Variants in NPIPB2 observed in about 807,000 individuals in gnomAD.
NPIPB2 encodes the protein nuclear pore complex-interacting protein family member B2.
A neutral mutation model predicts 30.8 loss-of-function variants in NPIPB2; 27 were observed. The observed-to-expected ratio is 0.88, with a 90% CI of 0.65 to 1.21. The LOEUF is 1.21. NPIPB2 is among the 50% of genes most tolerant of loss of function. The probability of loss-of-function intolerance (pLI) is 0.00; values close to 1 mark genes in which losing one functional copy is unlikely to be tolerated. For missense variants in NPIPB2, 440 were observed against 446.2 expected (o/e 0.99, Z 0.13); for synonymous variants, 147 against 162.0 (o/e 0.91, Z 0.70).
At chr16:11,970,756 G>C (rs1332260202) in intron 1 of NPIPB2, among the ~76,000 whole-genome samples, 1 of 151,786 alleles carries the variant, frequency 6.6e-6, no homozygotes, top group Non-Finnish European at 1.5e-5. Context: ...CGGTGGTCTT[G>C]AACTCCTGAC....
intron 1 of NPIPB2, among the ~76,000 whole-genome samples, chr16:11,969,612 C>G (rs2055222689): frequency 6.6e-6 from 1 of 152,144 alleles, no homozygotes; most frequent in South Asian, 2.1e-4. Context: ...CAGGAGAAGC[C>G]TAGAATCAAC....
Position 11,966,045 on chromosome 16 carries a change from A to C in NPIPB2, c.-584+10523T>G, listed in dbSNP as rs2055190685. On this transcript the variant is annotated intron_variant, in intron 1 of 5. Transcript: ENST00000538896. ...AGAATTGTTTGAACTTGGGAGGTGG[A>C]GGTTGCAGTGAGCCGAGATCGCGCC... 8.5e-6 allele frequency: 5 copies of C among 587,744 alleles called. No individual in the cohort carries two copies. The East Asian group carries it at 1.8e-4, about 22-fold the overall frequency. The allele number at this position is 587,744 out of a possible 1,614,324, so 36.4% of individuals were successfully genotyped here.
At chr16:11,968,769 C>G (rs1012188098) in intron 1 of NPIPB2, 2 of 151,774 alleles carry the variant, frequency 1.3e-5, no homozygotes, top group African/African-American at 4.8e-5. Context: ...TCACCTTGAA[C>G]ATGCTGACAT....
At chr16:11,956,222 C>A (rs1244585253) in intron 1 of NPIPB2, 1 of 152,244 alleles carries the variant, frequency 6.6e-6, no homozygotes, top group African/African-American at 2.4e-5. Context: ...GGCAGGGAAA[C>A]TGAATTGCTC....
chr16:11,944,879 G>A (rs560705204), upstream of NPIPB2, among the ~76,000 whole-genome samples: 1 of 151,552 alleles, frequency 6.6e-6, no homozygotes, highest in East Asian at 2.0e-4. Context: ...TTGGAGATGT[G>A]TTAAAGATAT....
intron 1 of NPIPB2, among the ~76,000 whole-genome samples, chr16:11,962,651 G>T (rs765903527): frequency 2.5e-4 from 37 of 150,910 alleles, no homozygotes; most frequent in Non-Finnish European, 4.4e-4. Flanking sequence ...GAGGAAGACT[G>T]ACAGTAATTA....
upstream of NPIPB2, among the ~76,000 whole-genome samples, chr16:11,945,350 C>T (rs2054995127): frequency 6.6e-6 from 1 of 152,054 alleles, no homozygotes. Flanking sequence ...CACTGCAGTC[C>T]AGCCTGGGCA....
intron 1 of NPIPB2, among the ~76,000 whole-genome samples, chr16:11,958,414 C>A (rs533717996): frequency 6.9e-6 from 1 of 145,686 alleles, no homozygotes; most frequent in East Asian, 2.0e-4. Context: ...GATGACAGAG[C>A]GAGACTCCGT....
intron 1 of NPIPB2, among the ~76,000 whole-genome samples, chr16:11,971,392 C>T (rs8047277): frequency 0.12 from 16,865 of 145,006 alleles, 1,415 homozygotes; most frequent in African/African-American, 0.21. Context: ...ATAAAATGTA[C>T]ACTGGTTCGG....
rs11570148 is a variant in NPIPB2 at position 11,966,287 on chromosome 16, T to G, written c.-584+10281A>C. 3.3e-5 allele frequency: 53 copies of G among 1,613,974 alleles called. No individual in the cohort carries two copies. In the Admixed American group the frequency reaches 8.8e-4, roughly 27 times the overall value. On this transcript the variant is annotated intron_variant, in intron 1 of 5. Transcript: ENST00000538896. ...TTCTTTGGCAGTTTTCGTGCTAATGTTTTTGCTAAGGAAGATAAACTCTGA... is the reference window on the plus strand; with the variant it reads ...TTCTTTGGCAGTTTTCGTGCTAATGGTTTTGCTAAGGAAGATAAACTCTGA...
chr16:11,976,583 C>T (rs1198406416), exon 1 of NPIPB2: 40 of 361,518 alleles, frequency 1.1e-4, no homozygotes, highest in Non-Finnish European at 4.4e-5. Flanking sequence ...GTCTCCAGCC[C>T]GCGTAGCCTC....
At chr16:11,966,698 CA>C (rs1339722158) in intron 1 of NPIPB2, among the ~76,000 whole-genome samples, 1 of 152,156 alleles carries the variant, frequency 6.6e-6, no homozygotes, top group East Asian at 1.9e-4. Context: ...TCAGGAAAAG[CA>C]TATTTGTCAA....
rs36230512 is a variant in NPIPB2 at position 11,966,977 on chromosome 16, CATTTATTTATTTATTTATTT to C, written c.-584+9571_-584+9590del. 31 of 161,626 alleles carry C rather than the reference CATTTATTTATTTATTTATTT, an allele frequency of 1.9e-4. No individual in the cohort carries two copies. The South Asian group carries it at 2.7e-3, about 14-fold the overall frequency. 10.0% of individuals were successfully genotyped at this position (161,626 alleles called of 1,614,324 possible). On this transcript the variant is annotated intron_variant, in intron 1 of 5. Coordinates refer to the NPIPB2 transcript ENST00000538896. Reference sequence around the variant, plus strand: ...ACAGCCACTGCCCTATTTCTGTATGCATTTATTTATTTATTTATTTATTTATTTATTTATTTATTTAGAGA... The same window carrying C: ...ACAGCCACTGCCCTATTTCTGTATGCATTTATTTATTTATTTATTTAGAGA...
intron 1 of NPIPB2, among the ~76,000 whole-genome samples, chr16:11,949,921 A>G (rs1390521876): frequency 6.6e-6 from 1 of 152,196 alleles, no homozygotes; most frequent in Non-Finnish European, 1.5e-5. Context: ...CAGTATATTC[A>G]TTGCCAACAC....
intron 4 of NPIPB2, among the ~76,000 whole-genome samples, 175 bp from the exon 5 acceptor site, chr16:11,930,726 CA>C (rs1259959795): frequency 9.2e-5 from 12 of 130,088 alleles, no homozygotes; most frequent in East Asian, 4.2e-4. Context: ...CATTGAGGGA[CA>C]AAAAAAAGTC....
At chr16:11,949,870 C>G (rs1208534146) in intron 1 of NPIPB2, among the ~76,000 whole-genome samples, 2 of 152,164 alleles carry the variant, frequency 1.3e-5, no homozygotes, top group Non-Finnish European at 2.9e-5. Context: ...GGCCTTTCCC[C>G]AGAGATTCTG....
chr16:11,975,789 CTA>C (rs2055285312), intron 1 of NPIPB2, among the ~76,000 whole-genome samples: 3 of 151,998 alleles, frequency 2.0e-5, no homozygotes, highest in Admixed American at 1.3e-4. Flanking sequence ...TGGGGTTTCA[CTA>C]TGTTGGCCAG....
chr16:11,934,226 T>TCTCACACA (rs1555507978), intron 2 of NPIPB2, among the ~76,000 whole-genome samples: 2 of 121,752 alleles, frequency 1.6e-5, no homozygotes, highest in African/African-American at 3.5e-5. Context: ...TGAGACTCTG[T>TCTCACACA]CACACACACA....
rs1241184439 is a variant in NPIPB2 at position 11,972,737 on chromosome 16, G to A, written c.-584+3831C>T. 6.6e-5 allele frequency among the ~76,000 whole-genome samples: 10 copies of A among 150,500 alleles called. No homozygotes were observed. In the East Asian group the frequency reaches 1.9e-3, roughly 29 times the overall value. On this transcript the variant is annotated intron_variant, in intron 1 of 5. Coordinates refer to the NPIPB2 transcript ENST00000538896. ...GAATTAGCTGGACGTGGTGGTGGGC[G>A]CCTGTAATCCCAGCTACTTGGGAGG...
Sources: gnomAD v4.1 joint callset for allele counts (sites outside exome capture counted in the v4.1 genomes callset) on GRCh38, gnomAD v4.1.1 for gene constraint, MANE v1.5 for transcripts, NCBI Gene and HGNC (gene_info 2026-07-23, HGNC 2026-07-21) for gene names.